The following SIPA1L3 variants were observed in gnomAD, a reference collection of about 807,000 sequenced individuals.
The protein encoded by SIPA1L3 is signal induced proliferation associated 1 like 3.
Under a neutral mutation model 150.1 loss-of-function variants are expected in SIPA1L3, and 59 were observed. The observed-to-expected ratio is 0.39, with a 90% CI of 0.32 to 0.49. SIPA1L3 has a LOEUF of 0.49. Among genes scored for constraint, SIPA1L3 ranks in the 20% least tolerant of loss-of-function variants. SIPA1L3 has a pLI of 0.86. For synonymous variants in SIPA1L3, 1,070 were observed against 1,077.6 expected (o/e 0.99, Z 0.14); for missense variants, 2,211 against 2,489.5 (o/e 0.89, Z 2.38).
rs1206398055 is a variant in SIPA1L3, at chr19:38,082,585, C to T, written c.1020C>T (p.Phe340=). 2 of 1,604,240 alleles carry T rather than the reference C, an allele frequency of 1.2e-6. No homozygotes were observed. Among genetic ancestry groups the T allele is most frequent in the Non-Finnish European group, 1.7e-6 (2 of 1,179,660 alleles). The part of the protein sequence containing the change: ...ASRPWVCQKS[F]AHFDVQSMLF... The stretch of plus-strand genomic sequence containing the variant: ...GGCCGTGGGTGTGTCAGAAGAGCTT[C>T]GCCCACTTCGACGTGCAGAGCATGC... The change falls in exon 3 of 22, where the codon TTC becomes TTT. Residue 340 remains phenylalanine, a synonymous_variant. Coordinates refer to ENST00000222345, the MANE Select transcript of SIPA1L3 (RefSeq NM_015073.3).
At chr19:38,077,472 T>C (rs1394156154) in intron 2 of SIPA1L3, among the ~76,000 whole-genome samples, 3 of 151,256 alleles carry the variant, frequency 2.0e-5, no homozygotes, top group Non-Finnish European at 4.4e-5. Context: ...ATAATAAAAA[T>C]GAATAAGAAA....
intron 2 of SIPA1L3, among the ~76,000 whole-genome samples, chr19:38,043,867 G>C (rs1968986788): frequency 1.3e-5 from 2 of 152,202 alleles, no homozygotes; most frequent in African/African-American, 4.8e-5. Flanking sequence ...TACATGGATA[G>C]GGGGAGGGTT....
chr19:38,000,613 G>A (rs894378016), intron 1 of SIPA1L3, among the ~76,000 whole-genome samples: 2 of 148,810 alleles, frequency 1.3e-5, no homozygotes, highest in Non-Finnish European at 3.0e-5. Context: ...TAATTTCATC[G>A]TTGAAAAATG....
intron 12 of SIPA1L3, among the ~76,000 whole-genome samples, chr19:38,150,431 T>C (rs1317827128): frequency 6.6e-6 from 1 of 152,032 alleles, no homozygotes; most frequent in Non-Finnish European, 1.5e-5. Flanking sequence ...TTTGGCATCT[T>C]GGGGGATCCT....
intron 16 of SIPA1L3, among the ~76,000 whole-genome samples, chr19:38,189,407 A>G (rs1174758008): frequency 6.6e-6 from 1 of 152,116 alleles, no homozygotes; most frequent in Non-Finnish European, 1.5e-5. Flanking sequence ...CTGGGATTAC[A>G]GGCATGAGCC....
At chr19:37,942,000 C>G (rs374262297) in intron 1 of SIPA1L3, among the ~76,000 whole-genome samples, 1 of 152,174 alleles carries the variant, frequency 6.6e-6, no homozygotes, top group Non-Finnish European at 1.5e-5. Context: ...TTATATTGCA[C>G]GATATCTAAG....
chr19:38,198,004 G>A (rs1168770016), intron 18 of SIPA1L3, among the ~76,000 whole-genome samples: 1 of 152,054 alleles, frequency 6.6e-6, no homozygotes, highest in African/African-American at 2.4e-5. Context: ...CTCTGTTCTC[G>A]CCTCCTGCTG....
At chr19:38,171,609 T>A (rs1307394389) in intron 15 of SIPA1L3, among the ~76,000 whole-genome samples, 4 of 151,582 alleles carry the variant, frequency 2.6e-5, no homozygotes, top group African/African-American at 9.7e-5. Context: ...GCCAGGCTGG[T>A]CTCGAACTCC....
rs1970493928 is a variant in SIPA1L3 at position 38,101,180 on chromosome 19, C to T, written c.1983C>T (p.Val661=). 3 of 1,605,636 alleles carry T rather than the reference C, an allele frequency of 1.9e-6. No individual in the cohort carries two copies. Among genetic ancestry groups the T allele is most frequent in the Non-Finnish European group, 2.5e-6 (3 of 1,176,534 alleles). ...EEFLSLIGEK[V]CLKGFTKYAA... is the part of the protein sequence containing the mutation. ...TCCTCTCCCTCATCGGCGAGAAGGT[C>T]TGCCTGAAGGGCTTCACCAAGTACG... Residue 661 remains valine, a synonymous_variant, in exon 6 of 22, where the codon GTC becomes GTT. Transcript: ENST00000222345.
At chr19:38,015,095 G>A (rs1304424561) in intron 1 of SIPA1L3, among the ~76,000 whole-genome samples, 2 of 152,100 alleles carry the variant, frequency 1.3e-5, no homozygotes, top group African/African-American at 4.8e-5. Flanking sequence ...GATTACAGGT[G>A]TGAGCCACCA....
intron 2 of SIPA1L3, among the ~76,000 whole-genome samples, chr19:38,055,340 C>G (rs1399781681): frequency 6.6e-6 from 1 of 152,198 alleles, no homozygotes; most frequent in African/African-American, 2.4e-5. Flanking sequence ...ATCTTGCTGT[C>G]CCCAGCATGT....
chr19:37,967,775 A>T (rs907697270), intron 1 of SIPA1L3, among the ~76,000 whole-genome samples: 17 of 150,624 alleles, frequency 1.1e-4, no homozygotes, highest in Non-Finnish European at 2.2e-4. Context: ...GTTAAACTTT[A>T]AAAAAAAAAG....
intron 8 of SIPA1L3, among the ~76,000 whole-genome samples, chr19:38,116,971 C>A (rs1451903460): frequency 6.6e-6 from 1 of 152,240 alleles, no homozygotes; most frequent in African/African-American, 2.4e-5. Context: ...CAAAAGGCCA[C>A]TGAGCCTCTA....
At chr19:38,017,260 T>C (rs1251260338) in intron 1 of SIPA1L3, among the ~76,000 whole-genome samples, 2 of 152,212 alleles carry the variant, frequency 1.3e-5, no homozygotes, top group Non-Finnish European at 2.9e-5. Context: ...ACTTTGTTTA[T>C]TGAATTCATG....
At chr19:38,037,032 G>A (rs976546032) in intron 2 of SIPA1L3, among the ~76,000 whole-genome samples, 2 of 152,224 alleles carry the variant, frequency 1.3e-5, no homozygotes, top group African/African-American at 2.4e-5. Context: ...AACTCTCATA[G>A]CCACAGTGGA....
intron 2 of SIPA1L3, among the ~76,000 whole-genome samples, chr19:38,065,896 TG>T (rs1969568118): frequency 2.8e-5 from 4 of 144,100 alleles, no homozygotes; most frequent in African/African-American, 7.8e-5. Context: ...TGCCCGGGTT[TG>T]ATCTCTTATT....
At chr19:38,183,004 G>A in intron 16 of SIPA1L3, 1 of 421,914 alleles carries the variant, frequency 2.4e-6, no homozygotes, top group South Asian at 4.2e-5. Flanking sequence ...CCATATCCGG[G>A]TGTGGAACAT....
chr19:37,979,822 C>T (rs971153463), intron 1 of SIPA1L3, among the ~76,000 whole-genome samples: 2 of 152,252 alleles, frequency 1.3e-5, no homozygotes, highest in African/African-American at 2.4e-5. Flanking sequence ...ACTTTTCTTG[C>T]GTGCTAACTG....
intron 1 of SIPA1L3, among the ~76,000 whole-genome samples, chr19:37,971,458 C>G (rs1037978988): frequency 6.6e-6 from 1 of 152,144 alleles, no homozygotes; most frequent in Non-Finnish European, 1.5e-5. Flanking sequence ...CACCACTAAT[C>G]TTTCTGTCTC....
Sources: allele counts gnomAD v4.1 joint callset (sites outside exome capture counted in the v4.1 genomes callset), GRCh38; gene constraint gnomAD v4.1.1; transcripts MANE v1.5; gene names NCBI Gene and HGNC (gene_info 2026-07-23, HGNC 2026-07-21).